The following ABCC4 variants were observed in gnomAD, a reference collection of about 807,000 sequenced individuals.
ABCC4 encodes the protein ATP-binding cassette sub-family C member 4.
A neutral mutation model predicts 168.5 loss-of-function variants in ABCC4; 102 were observed. The ratio of observed to expected loss-of-function variants is 0.61; its 90% confidence interval spans 0.52 to 0.71. The LOEUF is 0.71. ABCC4 is among the 30% of genes least tolerant of loss of function. The pLI, the probability that ABCC4 is intolerant of heterozygous loss-of-function variation, is 0.00. For missense variants in ABCC4, 1,402 were observed against 1,605.8 expected (o/e 0.87, Z 2.17); for synonymous variants, 617 against 590.7 (o/e 1.04, Z -0.65).
Position 95,247,644 on chromosome 13 carries a change from C to A in ABCC4, c.184G>T (p.Gly62Trp), listed in dbSNP as rs780497694. Reference sequence around the variant, plus strand: ...CCCACTTTACTGCCTCCGACTTACCCTTGCAACTCCTCTCCAAGGTGCTGT... The same window carrying A: ...CCCACTTTACTGCCTCCGACTTACCATTGCAACTCCTCTCCAAGGTGCTGT... ...RSQHLGEELQ[G>W]FWDKEVLRAE... Residue 62 changes from glycine to tryptophan, a missense_variant and splice_region_variant, in exon 2 of 31, where the codon GGG (glycine) becomes TGG (tryptophan). Gly to Trp is a radical substitution (Grantham distance 184). Coordinates refer to ENST00000645237, the MANE Select transcript of ABCC4 (RefSeq NM_005845.5). The A allele has an allele frequency of 6.2e-7, 1 of 1,612,810 alleles. No individual in the cohort carries two copies. Among genetic ancestry groups the A allele is most frequent in the Non-Finnish European group, 8.5e-7 (1 of 1,178,942 alleles).
intron 20 of ABCC4, among the ~76,000 whole-genome samples, chr13:95,090,141 G>C (rs1438737103): frequency 6.6e-6 from 1 of 152,118 alleles, no homozygotes; most frequent in Non-Finnish European, 1.5e-5. Context: ...TCTGAGCTCA[G>C]ACATGCCTAG....
chr13:95,176,222 GC>G (rs1566493599), intron 13 of ABCC4, among the ~76,000 whole-genome samples: 1 of 48,674 alleles, frequency 2.1e-5, no homozygotes, highest in Non-Finnish European at 4.9e-5. Flanking sequence ...GAAGCCGAGG[GC>G]AGGGGGGGGG....
At chr13:95,245,652 G>A (rs957227694) in intron 3 of ABCC4, among the ~76,000 whole-genome samples, 2 of 152,038 alleles carry the variant, frequency 1.3e-5, no homozygotes, top group African/African-American at 2.4e-5. Flanking sequence ...CAGGCAGGGC[G>A]GGTACCCTCT....
At chr13:95,292,465 A>G (rs1350636900) in intron 1 of ABCC4, among the ~76,000 whole-genome samples, 2 of 152,174 alleles carry the variant, frequency 1.3e-5, no homozygotes, top group Non-Finnish European at 2.9e-5. Context: ...TGACAAAAAA[A>G]CAAAGGAGAG....
intron 1 of ABCC4, among the ~76,000 whole-genome samples, chr13:95,291,023 C>G (rs1357165650): frequency 1.1e-5 from 1 of 92,028 alleles, no homozygotes; most frequent in African/African-American, 3.7e-5. Flanking sequence ...GGAAACCATG[C>G]CAAATGACTT....
rs540077857 is a variant in ABCC4, at chr13:95,059,470, C to A, written c.3366+3234G>T. ...CCCTGTTCTCACGCAGGGCTGAGAA[C>A]CAGTGTCGGCTGCCTGCTCGCGAAA... On this transcript the variant is annotated intron_variant, in intron 26 of 30. Transcript: ENST00000645237. 7.9e-5 allele frequency among the ~76,000 whole-genome samples: 12 copies of A among 152,310 alleles called. No individual in the cohort carries two copies. In the South Asian group the frequency reaches 1.9e-3, roughly 24 times the overall value.
chr13:95,177,718 G>A lies in ABCC4; in HGVS notation c.1716C>T (p.His572=). 1.9e-6 allele frequency: 3 copies of A among 1,609,878 alleles called. No individual in the cohort carries two copies. Among genetic ancestry groups the A allele is most frequent in the Non-Finnish European group, 2.5e-6 (3 of 1,176,724 alleles). ...ACAAACACACTCACAGTTCGAACAA[G>A]TGTCTGCTAACTTCCGCATCTACTG... The part of the protein sequence containing the change: ...LSAVDAEVSR[H]LFELCICQIL... Residue 572 remains histidine (H), a synonymous_variant, in exon 13 of 31, where the codon CAC becomes CAT. Coordinates refer to ENST00000645237, the MANE Select transcript of ABCC4 (RefSeq NM_005845.5).
chr13:95,038,124 G>A (rs1192048622), intron 29 of ABCC4, among the ~76,000 whole-genome samples: 4 of 151,996 alleles, frequency 2.6e-5, no homozygotes, highest in East Asian at 1.9e-4. Context: ...CCAAAGTGCT[G>A]GGATTACAGG....
At chr13:95,251,304 G>A (rs2040252151) in intron 1 of ABCC4, among the ~76,000 whole-genome samples, 2 of 151,858 alleles carry the variant, frequency 1.3e-5, no homozygotes, top group Admixed American at 6.6e-5. Context: ...AGCCCTCTCT[G>A]CCTCCTTAAA....
intron 19 of ABCC4, among the ~76,000 whole-genome samples, chr13:95,160,942 C>T (rs2139541729): frequency 6.6e-6 from 1 of 152,268 alleles, no homozygotes; most frequent in South Asian, 2.1e-4. Context: ...GCAAAGTGAA[C>T]ATTCATTTAT....
intron 1 of ABCC4, among the ~76,000 whole-genome samples, chr13:95,292,995 C>T (rs2041440826): frequency 6.6e-6 from 1 of 152,102 alleles, no homozygotes; most frequent in African/African-American, 2.4e-5. Context: ...TACCGGCTGG[C>T]AGGGACGACA....
chr13:95,217,407 G>A (rs773719404), intron 4 of ABCC4, among the ~76,000 whole-genome samples: 3 of 152,094 alleles, frequency 2.0e-5, no homozygotes, highest in Non-Finnish European at 2.9e-5. Context: ...TTTAACAGAT[G>A]TCTTTCCCCC....
intron 8 of ABCC4, among the ~76,000 whole-genome samples, chr13:95,205,825 G>C (rs1234264950): frequency 6.6e-6 from 1 of 152,190 alleles, no homozygotes; most frequent in African/African-American, 2.4e-5. Flanking sequence ...GGCCCATTTT[G>C]TCCTTCTGTT....
intron 1 of ABCC4, among the ~76,000 whole-genome samples, chr13:95,280,099 G>A (rs886982959): frequency 2.0e-5 from 3 of 152,242 alleles, no homozygotes; most frequent in South Asian, 4.1e-4. Flanking sequence ...CGTTTTGCCC[G>A]TCACCAACTT....
In ABCC4 at chr13:95,301,413, G is replaced by A; in HGVS notation, c.-99C>T. On this transcript the variant is annotated 5_prime_UTR_variant, in exon 1 of 31. Coordinates refer to ENST00000645237, the MANE Select transcript of ABCC4 (RefSeq NM_005845.5). Reference sequence around the variant, plus strand: ...CCTCAAGCAGGGATGCTGGGGCTCCGGCCGCCACGCCTGTCCGCTCGGCTG... The same window carrying A: ...CCTCAAGCAGGGATGCTGGGGCTCCAGCCGCCACGCCTGTCCGCTCGGCTG... 1 of 1,071,724 alleles carries A rather than the reference G, an allele frequency of 9.3e-7. No homozygotes were observed. 66.4% of individuals were successfully genotyped at this position (1,071,724 alleles called of 1,614,324 possible).
chr13:95,175,754 C>T (rs2037656718), intron 13 of ABCC4, among the ~76,000 whole-genome samples: 1 of 152,176 alleles, frequency 6.6e-6, no homozygotes, highest in African/African-American at 2.4e-5. Flanking sequence ...CATCAGCAGG[C>T]CAAGAAAGCC....
intron 1 of ABCC4, among the ~76,000 whole-genome samples, chr13:95,290,137 T>C (rs1349204403): frequency 1.3e-5 from 2 of 151,606 alleles, no homozygotes; most frequent in Non-Finnish European, 2.9e-5. Context: ...GATAGATAGA[T>C]AGATAGATAG....
chr13:95,238,108 T>C (rs2039825257), intron 3 of ABCC4, among the ~76,000 whole-genome samples: 1 of 140,260 alleles, frequency 7.1e-6, no homozygotes, highest in South Asian at 2.2e-4. Context: ...GGCACAAGAA[T>C]CACTTGAACC....
At chr13:95,214,673 C>G (rs2039059664) in intron 4 of ABCC4, among the ~76,000 whole-genome samples, 1 of 151,890 alleles carries the variant, frequency 6.6e-6, no homozygotes, top group Non-Finnish European at 1.5e-5. Flanking sequence ...ATCACTCGAG[C>G]CCAGGACTTC....
Sources: gnomAD v4.1 joint callset for allele counts (sites outside exome capture counted in the v4.1 genomes callset) on GRCh38, gnomAD v4.1.1 for gene constraint, MANE v1.5 for transcripts, NCBI Gene and HGNC (gene_info 2026-07-23, HGNC 2026-07-21) for gene names.